Variants in TMEFF1 observed in about 807,000 individuals in gnomAD.
TMEFF1 encodes transmembrane protein with EGF like and two follistatin like domains 1, also known as tomoregulin-1.
In TMEFF1, 20 loss-of-function variants were observed where a neutral mutation model predicts 47.5. That is an observed-to-expected ratio of 0.42 (90% CI 0.30 to 0.61). The LOEUF (loss-of-function observed/expected upper bound fraction) is 0.61, where lower values mean the gene tolerates loss of function less well. Ranked by LOEUF, TMEFF1 falls within the 20% of genes least tolerant of loss-of-function variation. TMEFF1 has a pLI of 0.19. For missense variants in TMEFF1, 411 were observed against 471.1 expected (o/e 0.87, Z 1.18); for synonymous variants, 162 against 166.3 (o/e 0.97, Z 0.20).
chr9:100,527,900 A>G (rs34771409), intron 5 of TMEFF1, among the ~76,000 whole-genome samples: 36,752 of 151,908 alleles, frequency 0.24, 5,040 homozygotes, highest in African/African-American at 0.36. Flanking sequence ...ATCTGAGAAC[A>G]GGCAGACTGC....
At chr9:100,482,252 C>T (rs1041981150) in intron 1 of TMEFF1, among the ~76,000 whole-genome samples, 8 of 150,680 alleles carry the variant, frequency 5.3e-5, no homozygotes, top group Non-Finnish European at 1.2e-4. Context: ...GGCTGGAGTG[C>T]AGCGGCTTGA....
intron 1 of TMEFF1, among the ~76,000 whole-genome samples, chr9:100,478,511 C>T (rs1197185347): frequency 1.3e-5 from 2 of 152,160 alleles, no homozygotes; most frequent in African/African-American, 2.4e-5. Flanking sequence ...GACAGGGCTT[C>T]GCCATGATGC....
chr9:100,502,533 A>C (rs1263295371), intron 2 of TMEFF1, among the ~76,000 whole-genome samples: 1 of 151,890 alleles, frequency 6.6e-6, no homozygotes, highest in African/African-American at 2.4e-5. Context: ...CTGATTAAAA[A>C]AATTTTTTTT....
At chr9:100,488,379 A>T (rs1266562504) in intron 1 of TMEFF1, among the ~76,000 whole-genome samples, 1 of 152,222 alleles carries the variant, frequency 6.6e-6, no homozygotes. Flanking sequence ...GCTGACGTTA[A>T]CAATCTTGGA....
At chr9:100,496,606 C>G (rs1449417330) in intron 1 of TMEFF1, among the ~76,000 whole-genome samples, 1 of 152,122 alleles carries the variant, frequency 6.6e-6, no homozygotes, top group Non-Finnish European at 1.5e-5. Context: ...TTCTGTAGTC[C>G]CTCATACAAA....
intron 3 of TMEFF1, among the ~76,000 whole-genome samples, 152 bp from the exon 4 acceptor site, chr9:100,513,151 ATAAG>A (rs1370277513): frequency 6.6e-6 from 1 of 152,094 alleles, no homozygotes; most frequent in Non-Finnish European, 1.5e-5. Flanking sequence ...GCAGCATAAA[ATAAG>A]TATGTAAGAA....
rs1275777298 is a variant in TMEFF1 at position 100,509,026 on chromosome 9, G to A, written c.328G>A (p.Val110Ile). The A allele has an allele frequency of 4.4e-6, 7 of 1,598,990 alleles. No individual in the cohort carries two copies. Among genetic ancestry groups the A allele is most frequent in the Non-Finnish European group, 6.0e-6 (7 of 1,174,986 alleles). The change falls in exon 3 of 10, where the codon GTC becomes ATC. Residue 110 changes from valine (V) to isoleucine (I), a missense_variant. Val to Ile is a conservative substitution (Grantham distance 29). Transcript: ENST00000374879. ...GCAGTGCCATACAAATTATATTCCT[G>A]TCTGTGGATCAAATGGGGACACTTA... ...QFQCHTNYIP[V>I]CGSNGDTYQN...
intron 7 of TMEFF1, among the ~76,000 whole-genome samples, chr9:100,553,155 T>A (rs1255451730): frequency 2.6e-5 from 4 of 152,130 alleles, no homozygotes; most frequent in African/African-American, 9.7e-5. Context: ...ATGCTTGAAT[T>A]TGAAGGCAAG....
chr9:100,562,118 C>T (rs1369206594), intron 8 of TMEFF1, among the ~76,000 whole-genome samples: 2 of 152,092 alleles, frequency 1.3e-5, no homozygotes, highest in African/African-American at 4.8e-5. Flanking sequence ...TCTGCGGATA[C>T]ACCTTTTTGC....
intron 1 of TMEFF1, among the ~76,000 whole-genome samples, chr9:100,486,408 A>G (rs1837450050): frequency 6.6e-6 from 1 of 151,874 alleles, no homozygotes; most frequent in Non-Finnish European, 1.5e-5. Flanking sequence ...ATGCCCAGCT[A>G]ATTTTGTATT....
At chr9:100,495,206 A>C (rs1199702494) in intron 1 of TMEFF1, among the ~76,000 whole-genome samples, 1 of 152,194 alleles carries the variant, frequency 6.6e-6, no homozygotes, top group South Asian at 2.1e-4. Flanking sequence ...CTCTGCTTTC[A>C]CTTACATTGT....
chr9:100,495,749 C>T (rs1049584821), intron 1 of TMEFF1, among the ~76,000 whole-genome samples: 1 of 151,904 alleles, frequency 6.6e-6, no homozygotes, highest in African/African-American at 2.4e-5. Flanking sequence ...ATGACTTTTA[C>T]CCTTACCTAT....
In TMEFF1 at chr9:100,549,922, C is replaced by G. The variant is rs534454801; in HGVS notation, c.710-173C>G. ...CAAAGAGCACTTATACCTAGGATGCCTAGAGGCCTAAGACAGAAATGACAT... is the reference window on the plus strand; with the variant it reads ...CAAAGAGCACTTATACCTAGGATGCGTAGAGGCCTAAGACAGAAATGACAT... On this transcript the variant is annotated intron_variant, in intron 6 of 9. Coordinates refer to ENST00000374879, the MANE Select transcript of TMEFF1 (RefSeq NM_003692.5). Among the ~76,000 whole-genome samples, 9 of 152,192 alleles carry G rather than the reference C, an allele frequency of 5.9e-5. 1 individual carries two copies. In the East Asian group the frequency reaches 1.4e-3, roughly 23 times the overall value.
chr9:100,483,411 C>T (rs1837377856), intron 1 of TMEFF1, among the ~76,000 whole-genome samples: 9 of 152,108 alleles, frequency 5.9e-5, no homozygotes, highest in Admixed American at 5.2e-4. Context: ...GCAGGAGAAT[C>T]GCTTGAACCT....
chr9:100,572,700 C>A, intron 9 of TMEFF1, 24 bp downstream of exon 9: 7 of 1,581,524 alleles, frequency 4.4e-6, no homozygotes, highest in Non-Finnish European at 5.2e-6. Context: ...TAAGAAATAT[C>A]AACTTTAAAT....
At chr9:100,564,795 G>A (rs531090903) in intron 8 of TMEFF1, among the ~76,000 whole-genome samples, 1 of 152,306 alleles carries the variant, frequency 6.6e-6, no homozygotes, top group East Asian at 1.9e-4. Context: ...AGGAGACTTA[G>A]TAAGAAGTAA....
chr9:100,499,635 A>G (rs781213752), intron 2 of TMEFF1, among the ~76,000 whole-genome samples: 11 of 152,192 alleles, frequency 7.2e-5, no homozygotes, highest in Non-Finnish European at 1.6e-4. Context: ...ACGAAAGCAT[A>G]GGAGAGTTAG....
intron 1 of TMEFF1, among the ~76,000 whole-genome samples, chr9:100,487,021 A>G (rs150733547): frequency 4.1e-4 from 62 of 152,302 alleles, no homozygotes; most frequent in African/African-American, 1.4e-3. Flanking sequence ...TGCTGTATCA[A>G]TTCTGTTGTT....
Position 100,572,565 on chromosome 9 carries a change from G to A in TMEFF1, c.947G>A (p.Ser316Asn). 1 of 1,613,276 alleles carries A rather than the reference G, an allele frequency of 6.2e-7. No homozygotes were observed. Among genetic ancestry groups the A allele is most frequent in the South Asian group, 1.1e-5 (1 of 91,008 alleles). ...TGQHCEKTDF[S>N]ILYVVPSRQK... ...CAGCACTGTGAAAAGACAGACTTTAGTATTCTCTATGTAGTGCCAAGTAGG... is the reference window on the plus strand; with the variant it reads ...CAGCACTGTGAAAAGACAGACTTTAATATTCTCTATGTAGTGCCAAGTAGG... The change falls in exon 9 of 10, where the codon AGT (serine) becomes AAT (asparagine). Residue 316 changes from serine (S) to asparagine (N), a missense_variant. Coordinates refer to ENST00000374879, the MANE Select transcript of TMEFF1 (RefSeq NM_003692.5).
Sources: allele counts gnomAD v4.1 joint callset (sites outside exome capture counted in the v4.1 genomes callset), GRCh38; gene constraint gnomAD v4.1.1; transcripts MANE v1.5; gene names NCBI Gene and HGNC (gene_info 2026-07-23, HGNC 2026-07-21).